Variants in GRID1 observed in about 807,000 individuals in gnomAD.
The protein encoded by GRID1 is glutamate receptor ionotropic, delta-1.
In GRID1, 28 loss-of-function variants were observed where a neutral mutation model predicts 98.0. The ratio of observed to expected loss-of-function variants is 0.29; its 90% CI spans 0.21 to 0.39. GRID1 has a LOEUF of 0.39. Among genes scored for constraint, GRID1 ranks in the 10% least tolerant of loss-of-function variants. The pLI is 1.00. For synonymous variants in GRID1, 553 were observed against 538.5 expected (o/e 1.03, Z -0.37); for missense variants, 1,111 against 1,340.5 (o/e 0.83, Z 2.67).
intron 5 of GRID1, among the ~76,000 whole-genome samples, chr10:85,895,470 T>G (rs1480426872): frequency 6.6e-6 from 1 of 152,120 alleles, no homozygotes; most frequent in Non-Finnish European, 1.5e-5. Context: ...CTCCCACCCA[T>G]GCTCATATGT....
chr10:86,279,308 G>C (rs1336982824), intron 2 of GRID1, among the ~76,000 whole-genome samples: 2 of 152,172 alleles, frequency 1.3e-5, no homozygotes, highest in African/African-American at 4.8e-5. Flanking sequence ...TAAGCTTCCA[G>C]TTGACAGTAC....
Position 86,294,308 on chromosome 10 carries a change from T to G in GRID1, c.235+69633A>C, listed in dbSNP as rs757727126. 9.8e-5 allele frequency among the ~76,000 whole-genome samples: 15 copies of G among 152,308 alleles called. 1 individual carries two copies. In the South Asian group the frequency reaches 1.0e-3, roughly 11 times the overall value. ...AGCACAAGGCCTGGCGACTCCTGTG[T>G]GGACCCTGACTTTTCCTCTAGCGAG... On this transcript the variant is annotated intron_variant, in intron 2 of 15. Transcript: ENST00000327946.
intron 2 of GRID1, among the ~76,000 whole-genome samples, chr10:86,217,577 C>T (rs1412257639): frequency 6.6e-6 from 1 of 152,128 alleles, no homozygotes; most frequent in Admixed American, 6.5e-5. Context: ...AGCTCTTGGC[C>T]AGACACCAAT....
chr10:86,073,794 T>C (rs1031557916), intron 4 of GRID1, among the ~76,000 whole-genome samples: 1 of 152,032 alleles, frequency 6.6e-6, no homozygotes, highest in Admixed American at 6.6e-5. Context: ...CAACAGAGGG[T>C]CAAAAAGAAG....
intron 4 of GRID1, among the ~76,000 whole-genome samples, chr10:85,990,971 T>C (rs1198596596): frequency 6.6e-6 from 1 of 152,218 alleles, no homozygotes; most frequent in South Asian, 2.1e-4. Flanking sequence ...CATTTAATGC[T>C]TACCTCCACT....
At chr10:85,715,874 A>T (rs1207093893) in intron 12 of GRID1, among the ~76,000 whole-genome samples, 2 of 151,922 alleles carry the variant, frequency 1.3e-5, no homozygotes, top group African/African-American at 4.8e-5. Flanking sequence ...TCATTGCAGC[A>T]TTATTAGAAA....
At chr10:86,357,867 C>G (rs1848553461) in intron 2 of GRID1, among the ~76,000 whole-genome samples, 1 of 152,128 alleles carries the variant, frequency 6.6e-6, no homozygotes, top group Non-Finnish European at 1.5e-5. Flanking sequence ...AACAGCAGCT[C>G]TCTGTGGGAC....
intron 3 of GRID1, among the ~76,000 whole-genome samples, chr10:86,145,749 C>A (rs1157070525): frequency 6.6e-6 from 1 of 152,088 alleles, no homozygotes; most frequent in Admixed American, 6.5e-5. Context: ...ATATGGGTAA[C>A]AGGAGCTAGG....
Position 86,139,041 on chromosome 10 carries a change from G to A in GRID1, c.521-17C>T. ...CACGGATATCTGAGCAGTGAGAGAA[G>A]AGGAGGAAAAGAAAAATCATCTTTA... On this transcript the variant is annotated splice_polypyrimidine_tract_variant and intron_variant, in intron 3 of 15. Coordinates refer to ENST00000327946, the MANE Select transcript of GRID1 (RefSeq NM_017551.3). 6.3e-7 allele frequency: 1 copy of A among 1,589,640 alleles called. No homozygotes were observed.
rs78706579 is a variant in GRID1, at chr10:85,742,718, A to G, written c.1234-13104T>C. Reference sequence around the variant, plus strand: ...TGGTTGTGACAATATTCCCCATCCCACATGCTCTTCTGTAATGTGACTTCT... The same window carrying G: ...TGGTTGTGACAATATTCCCCATCCCGCATGCTCTTCTGTAATGTGACTTCT... On this transcript the variant is annotated intron_variant, in intron 8 of 15. Transcript: ENST00000327946. Among the ~76,000 whole-genome samples the G allele has an allele frequency of 1.6e-3, 251 of 152,218 alleles. 1 individual carries two copies. The highest frequency in any genetic ancestry group is 5.8e-3 in the African/African-American group (242 of 41,558).
intron 12 of GRID1, among the ~76,000 whole-genome samples, chr10:85,662,731 G>A (rs1047357318): frequency 5.9e-5 from 9 of 152,174 alleles, no homozygotes; most frequent in African/African-American, 2.2e-4. Context: ...GCACTGTGTC[G>A]TAGGAAGCAC....
At chr10:85,878,928 C>T (rs1427808487) in intron 5 of GRID1, among the ~76,000 whole-genome samples, 1 of 152,042 alleles carries the variant, frequency 6.6e-6, no homozygotes, top group Non-Finnish European at 1.5e-5. Context: ...GGAGGAAGAT[C>T]TACCAAGCAA....
rs1286817477 is a variant in GRID1 at position 86,139,084 on chromosome 10, G to A, written c.521-60C>T. 4 of 1,199,130 alleles carry A rather than the reference G, an allele frequency of 3.3e-6. No individual in the cohort carries two copies. The African/African-American group carries it at 4.5e-5, about 13-fold the overall frequency. The allele number at this position is 1,199,130 out of a possible 1,614,324, so 74.3% of individuals were successfully genotyped here. On this transcript the variant is annotated intron_variant, in intron 3 of 15. Transcript: ENST00000327946. ...CATCTTTAAGTGGGAATGCACCCGG[G>A]AGGGTGTCTAACTGCAACACGTTCC...
chr10:86,360,747 G>A (rs1237948737), intron 2 of GRID1, among the ~76,000 whole-genome samples: 1 of 152,172 alleles, frequency 6.6e-6, no homozygotes, highest in Non-Finnish European at 1.5e-5. Flanking sequence ...AATCCCATGA[G>A]GCAAATCCTA....
intron 4 of GRID1, among the ~76,000 whole-genome samples, chr10:86,119,652 A>G (rs1298385346): frequency 6.6e-6 from 1 of 152,128 alleles, no homozygotes; most frequent in African/African-American, 2.4e-5. Context: ...ACGCTCACCC[A>G]AATATTAGCA....
At chr10:85,874,437 T>C (rs1474068496) in intron 5 of GRID1, among the ~76,000 whole-genome samples, 1 of 152,240 alleles carries the variant, frequency 6.6e-6, no homozygotes, top group African/African-American at 2.4e-5. Context: ...TTAAATTTTA[T>C]TTTCACTTCC....
At chr10:86,310,786 C>T (rs1053052543) in intron 2 of GRID1, among the ~76,000 whole-genome samples, 4 of 152,186 alleles carry the variant, frequency 2.6e-5, no homozygotes, top group Non-Finnish European at 5.9e-5. Flanking sequence ...AATGCCCCCA[C>T]ATTTATTTTT....
At chr10:86,171,525 G>A (rs1010212319) in intron 3 of GRID1, among the ~76,000 whole-genome samples, 1 of 152,256 alleles carries the variant, frequency 6.6e-6, no homozygotes, top group Non-Finnish European at 1.5e-5. Flanking sequence ...GACCCAGAGG[G>A]TGAAGATGTC....
chr10:85,765,813 C>A (rs532906617), intron 8 of GRID1, among the ~76,000 whole-genome samples: 1 of 152,370 alleles, frequency 6.6e-6, no homozygotes, highest in South Asian at 2.1e-4. Flanking sequence ...TTCCACCCAA[C>A]TTCCTGTTAG....
Sources: allele counts gnomAD v4.1 joint callset (sites outside exome capture counted in the v4.1 genomes callset), GRCh38; gene constraint gnomAD v4.1.1; transcripts MANE v1.5; gene names NCBI Gene and HGNC (gene_info 2026-07-23, HGNC 2026-07-21).